DYNC2H1: variants seen among roughly 807,000 people sequenced by gnomAD.
DYNC2H1 encodes dynein cytoplasmic 2 heavy chain 1.
In DYNC2H1, 410 loss-of-function variants were observed where a neutral mutation model predicts 570.0. That is an observed-to-expected ratio of 0.72 (90% CI 0.66 to 0.78). The LOEUF is 0.78. Ranked by LOEUF, DYNC2H1 falls within the 30% of genes least tolerant of loss-of-function variation. The pLI is 0.00. For synonymous variants in DYNC2H1, 1,688 were observed against 1,677.6 expected (o/e 1.01, Z -0.15); for missense variants, 4,865 against 5,046.4 (o/e 0.96, Z 1.09).
chr11:103,423,943 A>AACTT (rs1474049202), intron 84 of DYNC2H1, among the ~76,000 whole-genome samples: 1 of 152,114 alleles, frequency 6.6e-6, no homozygotes, highest in Admixed American at 6.6e-5. Context: ...TGAAATTAAG[A>AACTT]ACTTAATTCC....
At chr11:103,347,596 C>T (rs879867403) in intron 82 of DYNC2H1, among the ~76,000 whole-genome samples, 1 of 152,020 alleles carries the variant, frequency 6.6e-6, no homozygotes, top group Admixed American at 6.6e-5. Flanking sequence ...CTTTGGGTTT[C>T]TTTGAAAATG....
rs767143932 is a variant in DYNC2H1 at position 103,187,371 on chromosome 11, C to T, written c.6925C>T (p.Arg2309Trp). 67 of 1,612,906 alleles carry T rather than the reference C, an allele frequency of 4.2e-5. No individual in the cohort carries two copies. Among genetic ancestry groups the T allele is most frequent in the Admixed American group, 1.3e-4 (8 of 59,870 alleles). The change falls in exon 43 of 89, where the codon CGG becomes TGG. Residue 2309 changes from arginine to tryptophan, a missense_variant. By Grantham distance (101) the Arg-to-Trp change is moderately radical. Around this residue, in one of 5 missense-constraint regions of DYNC2H1, gnomAD observed 2,401 missense variants for 2,454.6 expected, o/e 0.98. Coordinates refer to ENST00000375735, the MANE Select transcript of DYNC2H1 (RefSeq NM_001377.3). Reference sequence around the variant, plus strand: ...GCTCAGGTACGCATTTTCACAACTCCGGTCCACTCAAATTGCTACAGTTCA... The same window carrying T: ...GCTCAGGTACGCATTTTCACAACTCTGGTCCACTCAAATTGCTACAGTTCA... ...MLLRYAFSQL[R>W]STQIATVHCS...
chr11:103,313,663 A>T lies in DYNC2H1; in HGVS notation c.11649+1630A>T, dbSNP rs577374326. Among the ~76,000 whole-genome samples, 4 of 152,324 alleles carry T rather than the reference A, an allele frequency of 2.6e-5. No individual in the cohort carries two copies. In the East Asian group the frequency reaches 7.7e-4, roughly 29 times the overall value. ...AACTGTTTTAACCCCCAAAAGCGTC[A>T]GTTGCCTCAACTGTAGAACGAGAGT... On this transcript the variant is annotated intron_variant, in intron 79 of 88. Coordinates refer to ENST00000375735, the MANE Select transcript of DYNC2H1 (RefSeq NM_001377.3).
intron 82 of DYNC2H1, among the ~76,000 whole-genome samples, chr11:103,352,646 C>G (rs955633907): frequency 6.6e-6 from 1 of 152,080 alleles, no homozygotes; most frequent in African/African-American, 2.4e-5. Context: ...GGCTGATGTT[C>G]TTAAATGTTC....
In DYNC2H1 at chr11:103,329,380, C is replaced by T. The variant is rs549452134; in HGVS notation, c.12039+5390C>T. Among the ~76,000 whole-genome samples, 94 of 149,772 alleles carry T rather than the reference C, an allele frequency of 6.3e-4. No individual in the cohort carries two copies. The Middle Eastern group carries it at 0.01, about 16-fold the overall frequency. Reference sequence around the variant, plus strand: ...AGGAATTGGGCATTATTCAGTATTTCAAAATCTTTTCTAGAATCATCTCTG... The same window carrying T: ...AGGAATTGGGCATTATTCAGTATTTTAAAATCTTTTCTAGAATCATCTCTG... On this transcript the variant is annotated intron_variant, in intron 82 of 88. Coordinates refer to ENST00000375735, the MANE Select transcript of DYNC2H1 (RefSeq NM_001377.3).
At chr11:103,396,798 A>G (rs1197840635) in intron 83 of DYNC2H1, among the ~76,000 whole-genome samples, 3 of 152,228 alleles carry the variant, frequency 2.0e-5, no homozygotes, top group African/African-American at 7.2e-5. Flanking sequence ...CTCAGCCATA[A>G]AAAAGAATGA....
At chr11:103,378,175 T>C (rs1175568137) in intron 83 of DYNC2H1, among the ~76,000 whole-genome samples, 1 of 152,214 alleles carries the variant, frequency 6.6e-6, no homozygotes, top group Non-Finnish European at 1.5e-5. Flanking sequence ...ATATTAAGAA[T>C]TGTACATCTC....
In DYNC2H1 at chr11:103,186,666, G is replaced by C. The variant is rs1373660705; in HGVS notation, c.6893+165G>C. Among the ~76,000 whole-genome samples the C allele has an allele frequency of 6.6e-6, 1 of 151,410 alleles. No individual in the cohort carries two copies. Among genetic ancestry groups the C allele is most frequent in the Non-Finnish European group, 1.5e-5 (1 of 67,860 alleles). ...ATAAAAATAAGAACTATGGGGAATA[G>C]TGTGTCCTTTTCTTTTCCAGGTTGT... On this transcript the variant is annotated intron_variant, in intron 42 of 88. Coordinates refer to ENST00000375735, the MANE Select transcript of DYNC2H1 (RefSeq NM_001377.3). The surrounding 1 kb of genome is among the most constrained non-coding windows in gnomAD (Gnocchi z 4.5).
At chr11:103,224,713 G>A (rs554911027) in intron 59 of DYNC2H1, among the ~76,000 whole-genome samples, 8 of 152,260 alleles carry the variant, frequency 5.3e-5, no homozygotes, top group Admixed American at 2.0e-4. Flanking sequence ...ACAAACATGC[G>A]TGTGCAAGTG....
chr11:103,279,185 A>G (rs1008817670), intron 70 of DYNC2H1, among the ~76,000 whole-genome samples: 1 of 152,174 alleles, frequency 6.6e-6, no homozygotes, highest in African/African-American at 2.4e-5. Flanking sequence ...CTGACACAGT[A>G]TTGTTTTACC....
At chr11:103,231,178 G>A (rs999407163) in intron 59 of DYNC2H1, 82 bp from the exon 60 acceptor site, 11 of 745,722 alleles carry the variant, frequency 1.5e-5, no homozygotes, top group Non-Finnish European at 2.1e-5. Context: ...ATTGTCATAT[G>A]ATTACATTTT....
rs773156641 is a variant in DYNC2H1, at chr11:103,177,522, T to G, written c.5875-34T>G. ...CAGAACTAAGTATGATTGAATATTA[T>G]AAATCATATATGAACATATTTCTTT... On this transcript the variant is annotated intron_variant, in intron 37 of 88. Transcript: ENST00000375735. This position sits in a 1 kb window ranked among gnomAD's most constrained non-coding sequence, Gnocchi z 4.4. 1 of 1,572,388 alleles carries G rather than the reference T, an allele frequency of 6.4e-7. No homozygotes were observed. The highest frequency in any genetic ancestry group is 8.6e-7 in the Non-Finnish European group (1 of 1,164,060).
chr11:103,355,783 CA>C (rs1407992267), intron 82 of DYNC2H1, among the ~76,000 whole-genome samples: 1 of 152,150 alleles, frequency 6.6e-6, no homozygotes, highest in Admixed American at 6.5e-5. Flanking sequence ...ATGATGATAG[CA>C]CACTGCAGCT....
intron 84 of DYNC2H1, 92 bp from the exon 85 acceptor site, chr11:103,435,851 G>A (rs1944041268): frequency 2.4e-6 from 3 of 1,252,408 alleles, no homozygotes; most frequent in Non-Finnish European, 3.4e-6. Flanking sequence ...TGTGAATTAT[G>A]CCAAAATTTT....
intron 82 of DYNC2H1, among the ~76,000 whole-genome samples, chr11:103,349,539 T>TTA (rs1350266023): frequency 6.6e-6 from 1 of 152,132 alleles, no homozygotes; most frequent in Non-Finnish European, 1.5e-5. Context: ...TTATTTAGTA[T>TTA]TAACCAGTTA....
In DYNC2H1 at chr11:103,417,747, G is replaced by A. The variant is rs137932699; in HGVS notation, c.12366+17875G>A. Among the ~76,000 whole-genome samples the A allele has an allele frequency of 3.3e-3, 504 of 152,030 alleles. 3 individuals carry two copies. The highest frequency in any genetic ancestry group is 0.011 in the African/African-American group (453 of 41,502). The stretch of plus-strand genomic sequence containing the variant: ...AAAAATTAGCTGGGCATGATGGCAC[G>A]TGCCTGTAATTCCAGCTACACAAGA... On this transcript the variant is annotated intron_variant, in intron 84 of 88. Transcript: ENST00000375735.
rs772233992 is a variant in DYNC2H1, at chr11:103,249,928, C to T, written c.10043-3357C>T. ...TCACACCCAATTCCCAGGAAAAGTA[C>T]ATTTTTCTTGAATTATTTATAAATC... On this transcript the variant is annotated intron_variant, in intron 65 of 88. Transcript: ENST00000375735. The surrounding 1 kb of genome is among the most constrained non-coding windows in gnomAD (Gnocchi z 4.6). 2.6e-5 allele frequency among the ~76,000 whole-genome samples: 4 copies of T among 152,030 alleles called. No individual in the cohort carries two copies. The highest frequency in any genetic ancestry group is 5.9e-5 in the Non-Finnish European group (4 of 67,960).
intron 70 of DYNC2H1, among the ~76,000 whole-genome samples, chr11:103,263,044 AAAG>A (rs1278814933): frequency 0.041 from 6,051 of 149,018 alleles, 449 homozygotes; most frequent in African/African-American, 0.14. Context: ...AAAAAAAAAA[AAAG>A]CAGGGTTTGC....
intron 63 of DYNC2H1, among the ~76,000 whole-genome samples, chr11:103,238,642 C>T (rs992231434): frequency 2.1e-4 from 32 of 151,936 alleles, no homozygotes; most frequent in Admixed American, 3.3e-4. Context: ...TCCCTCTCAG[C>T]GGAGGAGGCT....
Sources: gnomAD v4.1 joint callset for allele counts (sites outside exome capture counted in the v4.1 genomes callset) on GRCh38, gnomAD v4.1.1 for gene constraint, gnomAD v4.1.1 regional missense constraint, Gnocchi (gnomAD v3.1) non-coding constraint, MANE v1.5 for transcripts, NCBI Gene and HGNC (gene_info 2026-07-23, HGNC 2026-07-21) for gene names.